Variants in PCDHAC1 observed in about 807,000 individuals in gnomAD.
PCDHAC1 encodes protocadherin alpha subfamily C, 1, also known as protocadherin alpha-C1.
PCDHAC1 carries 42 observed loss-of-function variants against 60.0 expected under a neutral mutation model. The observed-to-expected ratio is 0.70, with a 90% CI of 0.55 to 0.90. The LOEUF (loss-of-function observed/expected upper bound fraction) is 0.90. Among genes scored for constraint, PCDHAC1 ranks in the 40% least tolerant of loss-of-function variants. PCDHAC1 has a pLI of 0.00. For synonymous variants in PCDHAC1, 468 were observed against 499.3 expected, an observed-to-expected ratio of 0.94 and a Z score of 0.84; for missense variants, 1,160 against 1,222.3, an observed-to-expected ratio of 0.95 and a Z score of 0.76.
rs1554213921 is a variant in PCDHAC1 at position 140,941,202 on chromosome 5, C to CTTTCTTTCTTTCTTT, written c.2433+11877_2433+11878insTTTCTTTCTTTCTTT. Among the ~76,000 whole-genome samples the CTTTCTTTCTTTCTTT allele has an allele frequency of 5.9e-3, 725 of 122,798 alleles. 27 individuals are homozygous for CTTTCTTTCTTTCTTT. The highest frequency in any genetic ancestry group is 0.024 in the East Asian group (107 of 4,522). The allele number at this position is 122,798 out of a possible 152,430, so 80.6% of individuals were successfully genotyped here. ...TCCTGCTTCTTTTTTTTTCTTTCTTCCTTTCTTTCTTCCTTTCTTTCTTTC... is the reference window on the plus strand; with the variant it reads ...TCCTGCTTCTTTTTTTTTCTTTCTTCTTTCTTTCTTTCTTTCTTTCTTTCTTCCTTTCTTTCTTTC... On this transcript the variant is annotated intron_variant, in intron 1 of 3. Coordinates refer to ENST00000253807, the MANE Select transcript of PCDHAC1 (RefSeq NM_018898.5).
chr5:141,010,058 C>T lies in PCDHAC1; in HGVS notation c.*121C>T. On this transcript the variant is annotated 3_prime_UTR_variant, in exon 4 of 4. Transcript: ENST00000253807. Reference sequence around the variant, plus strand: ...GAGCCCTCTTAGAGACCTCAGAAATCTGCAGAAAGTTCCCTGTGTCTGTCT... The same window carrying T: ...GAGCCCTCTTAGAGACCTCAGAAATTTGCAGAAAGTTCCCTGTGTCTGTCT... 6.2e-7 allele frequency: 1 copy of T among 1,601,100 alleles called. No homozygotes were observed. Among genetic ancestry groups the T allele is most frequent in the Non-Finnish European group, 8.5e-7 (1 of 1,173,728 alleles).
intron 1 of PCDHAC1, among the ~76,000 whole-genome samples, chr5:140,942,616 T>C (rs2093340049): frequency 1.0e-5 from 1 of 99,878 alleles, no homozygotes. Context: ...TATTTGCCAA[T>C]TGTAAAAAAA....
chr5:140,966,205 CT>C, intron 1 of PCDHAC1: 1 of 226,680 alleles, frequency 4.4e-6, no homozygotes. Flanking sequence ...GGCTTGACTG[CT>C]TTTCCCAGAC....
intron 1 of PCDHAC1, among the ~76,000 whole-genome samples, chr5:140,978,710 A>G (rs576055391): frequency 1.3e-5 from 2 of 152,378 alleles, no homozygotes; most frequent in East Asian, 3.9e-4. Flanking sequence ...GGTGGCCTTT[A>G]CAAGATTATT....
chr5:141,004,403 C>T (rs1424370254), intron 3 of PCDHAC1, among the ~76,000 whole-genome samples: 1 of 152,166 alleles, frequency 6.6e-6, no homozygotes, highest in Non-Finnish European at 1.5e-5. Flanking sequence ...GGAGGAGGCA[C>T]CTGACTAGAT....
At chr5:140,966,695 C>A in intron 1 of PCDHAC1, 1 of 1,358,486 alleles carries the variant, frequency 7.4e-7, no homozygotes, top group Non-Finnish European at 9.5e-7. Flanking sequence ...AGGCGGGGCC[C>A]GGGCGTGGGG....
At position 140,927,438 on chromosome 5, in the gene PCDHAC1, C is replaced by A. The variant is rs1446762816; in HGVS notation, c.546C>A (p.Tyr182Ter). ...DMGSRVDGSE[Y>*]PELVLEKALD... ...GATCGCGGGTTGACGGCAGCGAATACCCGGAGTTGGTGTTGGAGAAAGCAC... is the reference window on the plus strand; with the variant it reads ...GATCGCGGGTTGACGGCAGCGAATAACCGGAGTTGGTGTTGGAGAAAGCAC... Residue 182 changes from tyrosine (Y) to a stop codon, truncating the protein, a stop_gained, in exon 1 of 4, where the codon TAC becomes TAA. Coordinates refer to ENST00000253807, the MANE Select transcript of PCDHAC1 (RefSeq NM_018898.5). LOFTEE classifies it high-confidence loss of function. 3 of 1,614,032 alleles carry A rather than the reference C, an allele frequency of 1.9e-6. No individual in the cohort carries two copies. The Admixed American group carries it at 5.0e-5, about 27-fold the overall frequency.
chr5:140,968,588 A>G (rs1554230894), intron 1 of PCDHAC1: 1 of 1,614,180 alleles, frequency 6.2e-7, no homozygotes, highest in South Asian at 1.1e-5. Flanking sequence ...CACCAAAGTC[A>G]TAGCTATGGA....
chr5:140,951,076 A>G (rs2094545866), intron 1 of PCDHAC1, among the ~76,000 whole-genome samples: 1 of 151,566 alleles, frequency 6.6e-6, no homozygotes, highest in Non-Finnish European at 1.5e-5. Flanking sequence ...GCTTTCTTAT[A>G]TTTTCCTTTT....
chr5:140,961,648 G>A (rs367674015), intron 1 of PCDHAC1, among the ~76,000 whole-genome samples: 1 of 152,156 alleles, frequency 6.6e-6, no homozygotes, highest in African/African-American at 2.4e-5. Flanking sequence ...AGTCTATGTG[G>A]TTAGTTTGAA....
At chr5:140,967,552 T>C (rs782453868) in intron 1 of PCDHAC1, 2 of 1,613,908 alleles carry the variant, frequency 1.2e-6, no homozygotes, top group Non-Finnish European at 1.7e-6. Context: ...AGTCCACTTA[T>C]CGCGTCCAGC....
At position 140,928,852 on chromosome 5, in the gene PCDHAC1, G is replaced by T; in HGVS notation, c.1960G>T (p.Val654Leu). 1 of 1,614,172 alleles carries T rather than the reference G, an allele frequency of 6.2e-7. No individual in the cohort carries two copies. The highest frequency in any genetic ancestry group is 8.5e-7 in the Non-Finnish European group (1 of 1,180,036). Reference sequence around the variant, plus strand: ...ACTTTCCTCCTCTGTCACTCTGGGTGTGCTGTTGAGCAACTCTGTCCCTCA... The same window carrying T: ...ACTTTCCTCCTCTGTCACTCTGGGTTTGCTGTTGAGCAACTCTGTCCCTCA... The part of the protein sequence containing the change: ...PPLSSSVTLG[V>L]LLSNSVPQLL... Residue 654 changes from valine (V) to leucine (L), a missense_variant, in exon 1 of 4, where the codon GTG becomes TTG. This residue lies in a region of PCDHAC1 where 1,113 missense variants were observed against 1,163.7 expected (regional missense o/e 0.96). Transcript: ENST00000253807.
chr5:140,933,945 T>A (rs1435633780), intron 1 of PCDHAC1, among the ~76,000 whole-genome samples: 1 of 152,084 alleles, frequency 6.6e-6, no homozygotes, highest in Non-Finnish European at 1.5e-5. Flanking sequence ...TTTTCACATC[T>A]GCAGGATCTG....
At chr5:140,948,351 A>G (rs951541212) in intron 1 of PCDHAC1, among the ~76,000 whole-genome samples, 1 of 151,646 alleles carries the variant, frequency 6.6e-6, no homozygotes, top group East Asian at 1.9e-4. Flanking sequence ...TTCTAACCTA[A>G]TAAAATGACT....
chr5:140,934,703 A>G (rs1348150058), intron 1 of PCDHAC1, among the ~76,000 whole-genome samples: 1 of 152,156 alleles, frequency 6.6e-6, no homozygotes, highest in Non-Finnish European at 1.5e-5. Flanking sequence ...ATTCCTGGCC[A>G]TCTTACAAAA....
chr5:140,967,140 C>T (rs781814682), intron 1 of PCDHAC1: 4 of 1,611,022 alleles, frequency 2.5e-6, no homozygotes, highest in East Asian at 2.2e-5. Flanking sequence ...GAAGTGCTGG[C>T]GCACAACCCC....
intron 1 of PCDHAC1, chr5:140,930,529 C>T (rs1175564392): frequency 6.6e-6 from 1 of 152,500 alleles, no homozygotes; most frequent in African/African-American, 2.4e-5. Flanking sequence ...GGCCCTCAAA[C>T]TTCTTGAGTG....
intron 1 of PCDHAC1, among the ~76,000 whole-genome samples, chr5:140,950,924 T>C (rs1316182193): frequency 2.6e-5 from 4 of 152,104 alleles, no homozygotes; most frequent in Non-Finnish European, 5.9e-5. Flanking sequence ...TTCAGTTCTT[T>C]TTCTTTTCTT....
chr5:140,944,334 C>T (rs547924304), intron 1 of PCDHAC1, among the ~76,000 whole-genome samples: 131 of 152,138 alleles, frequency 8.6e-4, no homozygotes, highest in African/African-American at 3.0e-3. Flanking sequence ...ATTACAAGCA[C>T]GTGCCACCAC....
Sources: allele counts gnomAD v4.1 joint callset (sites outside exome capture counted in the v4.1 genomes callset), GRCh38; gene constraint gnomAD v4.1.1; regional missense constraint gnomAD v4.1.1; transcripts MANE v1.5; gene names NCBI Gene and HGNC (gene_info 2026-07-23, HGNC 2026-07-21).